Variants in P2RX1 observed in about 807,000 individuals in gnomAD.
P2RX1 encodes the protein P2X purinoceptor 1.
Under a neutral mutation model 50.3 loss-of-function variants are expected in P2RX1, and 42 were observed. The ratio of observed to expected loss-of-function variants is 0.83; its 90% CI spans 0.65 to 1.08. The LOEUF is 1.08. P2RX1 is among the 50% of genes least tolerant of loss of function. The pLI is 0.00. For missense variants in P2RX1, 449 were observed against 529.0 expected, an observed-to-expected ratio of 0.85 and a Z score of 1.48; for synonymous variants, 199 against 202.6, an observed-to-expected ratio of 0.98 and a Z score of 0.15.
In P2RX1 at chr17:3,914,262, C is replaced by T. The variant is rs1176604125; in HGVS notation, c.137+1827G>A. Among the ~76,000 whole-genome samples the T allele has an allele frequency of 1.3e-5, 2 of 152,136 alleles. No homozygotes were observed. Among genetic ancestry groups the T allele is most frequent in the African/African-American group, 4.8e-5 (2 of 41,408 alleles). On this transcript the variant is annotated intron_variant, in intron 1 of 11. Transcript: ENST00000225538. This position sits in a 1 kb window ranked among gnomAD's most constrained non-coding sequence, Gnocchi z 4.1. ...TAAGCTGTGAGATCCTGGCTAATCC[C>T]TGTGGTCCTGAGCCCCACAGACACC...
Position 3,905,368 on chromosome 17 carries a change from C to G in P2RX1, c.138-1G>C, listed in dbSNP as rs2056244229. ...GCCCTTCTCATAGAGAAACACCCAC[C>G]TGTGCGGGTGGGGACAGAGGGGGAG... On this transcript the variant is annotated splice_acceptor_variant, in intron 1 of 11. Transcript: ENST00000225538. LOFTEE classifies it high-confidence loss of function. 6.2e-7 allele frequency: 1 copy of G among 1,613,526 alleles called. No homozygotes were observed. The highest frequency in any genetic ancestry group is 8.5e-7 in the Non-Finnish European group (1 of 1,180,008).
At chr17:3,916,037 G>A in intron 1 of P2RX1, 52 bp downstream of exon 1, 2 of 1,608,008 alleles carry the variant, frequency 1.2e-6, no homozygotes, top group Non-Finnish European at 1.7e-6. Flanking sequence ...GAGTCTGGAG[G>A]ACAGGCCCGG....
In P2RX1 at chr17:3,903,072, T is replaced by A. The variant is rs1200305945; in HGVS notation, c.747+130A>T. On this transcript the variant is annotated intron_variant, in intron 7 of 11. Coordinates refer to ENST00000225538, the MANE Select transcript of P2RX1 (RefSeq NM_002558.4). This position sits in a 1 kb window ranked among gnomAD's most constrained non-coding sequence, Gnocchi z 4.6. ...ATCTGACGCTCAGGGGGCCCCAGTA[T>A]CAGGGGACAGACCCATACATATACT... 7.7e-7 allele frequency: 1 copy of A among 1,298,202 alleles called. No homozygotes were observed. The highest frequency in any genetic ancestry group is 1.5e-5 in the African/African-American group (1 of 68,680). 80.4% of individuals were successfully genotyped at this position (1,298,202 alleles called of 1,614,324 possible).
At chr17:3,904,460 T>C in intron 3 of P2RX1, 61 bp from the exon 4 acceptor site, 1 of 1,436,052 alleles carries the variant, frequency 7.0e-7, no homozygotes, top group Non-Finnish European at 9.7e-7. Flanking sequence ...GAAGAGCCCC[T>C]CTCCCCACCC....
chr17:3,899,115 T>C, intron 8 of P2RX1, 91 bp from the exon 9 acceptor site: 1 of 906,468 alleles, frequency 1.1e-6, no homozygotes, highest in Non-Finnish European at 1.8e-6. Context: ...GGAGATTTAG[T>C]GGTCTCTGAG....
intron 7 of P2RX1, among the ~76,000 whole-genome samples, chr17:3,902,613 T>A (rs570820972): frequency 6.6e-6 from 1 of 151,290 alleles, no homozygotes; most frequent in Non-Finnish European, 1.5e-5. Flanking sequence ...GTTTTTGTTT[T>A]TTTTTTGTTT....
intron 8 of P2RX1, among the ~76,000 whole-genome samples, 195 bp from the exon 9 acceptor site, chr17:3,899,219 T>C (rs1366705264): frequency 5.5e-3 from 1 of 182 alleles, no homozygotes; most frequent in Non-Finnish European, 0.013. Flanking sequence ...CTTTTTTTTT[T>C]TTGTGAGACG....
chr17:3,903,500 C>A lies in P2RX1; in HGVS notation c.605+51G>T, dbSNP rs2074990. 3.8e-6 allele frequency: 6 copies of A among 1,599,444 alleles called. No homozygotes were observed. Among genetic ancestry groups the A allele is most frequent in the Admixed American group, 1.7e-5 (1 of 59,860 alleles). On this transcript the variant is annotated intron_variant, in intron 6 of 11. Coordinates refer to ENST00000225538, the MANE Select transcript of P2RX1 (RefSeq NM_002558.4). This position sits in a 1 kb window ranked among gnomAD's most constrained non-coding sequence, Gnocchi z 4.6. ...GGAGACAGAGACAGCTGAGAGCTGC[C>A]GGAGCGGCCCCGGCCAGCTGCCTGC... is the stretch of plus-strand genomic sequence containing the variant.
Position 3,903,751 on chromosome 17 carries a change from G to A in P2RX1, c.525-120C>T, listed in dbSNP as rs570656853. 82 of 1,153,738 alleles carry A rather than the reference G, an allele frequency of 7.1e-5. No homozygotes were observed. In the African/African-American group the frequency reaches 1.0e-3, roughly 15 times the overall value. 71.5% of individuals were successfully genotyped at this position (1,153,738 alleles called of 1,614,324 possible). A position where few individuals can be genotyped will look rare whatever the true frequency, so the allele number is the denominator to read the frequency against. ...CGGGACCCGCCTGCAGCCCTGGGCT[G>A]GTGGAGGGGTGGGTGTGCTCTAGCG... On this transcript the variant is annotated intron_variant, in intron 5 of 11. Transcript: ENST00000225538. This position sits in a 1 kb window ranked among gnomAD's most constrained non-coding sequence, Gnocchi z 4.6.
Position 3,903,640 on chromosome 17 carries a change from C to T in P2RX1, c.525-9G>A. 1 of 1,613,578 alleles carries T rather than the reference C, an allele frequency of 6.2e-7. No individual in the cohort carries two copies. The highest frequency in any genetic ancestry group is 1.7e-5 in the Admixed American group (1 of 60,026). On this transcript the variant is annotated splice_polypyrimidine_tract_variant and intron_variant, in intron 5 of 11. Transcript: ENST00000225538. This position sits in a 1 kb window ranked among gnomAD's most constrained non-coding sequence, Gnocchi z 4.6. ...CTCGGAGAAGGGCAGGGCTGGAGGA[C>T]ACCACACGCACTCACCGCCCCTCCC...
chr17:3,901,356 C>A (rs113449815), intron 7 of P2RX1, among the ~76,000 whole-genome samples: 10 of 152,190 alleles, frequency 6.6e-5, no homozygotes, highest in African/African-American at 1.7e-4. Context: ...CGTGAGCCAC[C>A]GCACCCAGCC....
intron 7 of P2RX1, among the ~76,000 whole-genome samples, chr17:3,900,050 G>A (rs1001206542): frequency 2.0e-5 from 3 of 151,600 alleles, no homozygotes; most frequent in African/African-American, 4.9e-5. Context: ...GCAGTGAGCC[G>A]AGATCCCACC....
At position 3,903,348 on chromosome 17, in the gene P2RX1, G is replaced by C. The variant is rs750752218; in HGVS notation, c.606-5C>G. 1.1e-5 allele frequency: 18 copies of C among 1,613,884 alleles called. No individual in the cohort carries two copies. Among genetic ancestry groups the C allele is most frequent in the South Asian group, 3.3e-5 (3 of 91,086 alleles). ...ACCTCCTCCACCAGGTTGCGCCTGT[G>C]GGGGTGGAAGGTGTTGACAGCTGCT... On this transcript the variant is annotated splice_region_variant and splice_polypyrimidine_tract_variant and intron_variant, in intron 6 of 11. Coordinates refer to ENST00000225538, the MANE Select transcript of P2RX1 (RefSeq NM_002558.4). This position sits in a 1 kb window ranked among gnomAD's most constrained non-coding sequence, Gnocchi z 4.6.
intron 7 of P2RX1, among the ~76,000 whole-genome samples, chr17:3,901,107 A>G (rs899394438): frequency 1.3e-5 from 2 of 151,970 alleles, no homozygotes; most frequent in Non-Finnish European, 2.9e-5. Flanking sequence ...TTGCTCTGTC[A>G]CCCAGACTGG....
intron 1 of P2RX1, among the ~76,000 whole-genome samples, chr17:3,907,211 G>C (rs2056280762): frequency 6.6e-6 from 1 of 152,022 alleles, no homozygotes; most frequent in South Asian, 2.1e-4. Flanking sequence ...GCTTGCAAAT[G>C]AAATAGTCCT....
intron 9 of P2RX1, 45 bp downstream of exon 9, chr17:3,898,889 T>G: frequency 3.4e-6 from 5 of 1,463,222 alleles, no homozygotes; most frequent in South Asian, 1.1e-5. Context: ...TCACAGGAGC[T>G]GAGAATGTGT....
Position 3,901,914 on chromosome 17 carries a change from G to T in P2RX1, c.747+1288C>A, listed in dbSNP as rs77675717. ...GAGACTGGCACCATTATTGCCCCCC[G>T]TCGGTGGGTCCAAAAACTCACACCC... On this transcript the variant is annotated intron_variant, in intron 7 of 11. Transcript: ENST00000225538. Among the ~76,000 whole-genome samples the T allele has an allele frequency of 7.0e-3, 1,057 of 151,842 alleles. 9 individuals carry two copies. Among genetic ancestry groups the T allele is most frequent in the Non-Finnish European group, 0.011 (720 of 67,948 alleles).
At chr17:3,908,980 C>T (rs903179396) in intron 1 of P2RX1, among the ~76,000 whole-genome samples, 12 of 152,200 alleles carry the variant, frequency 7.9e-5, no homozygotes, top group African/African-American at 2.9e-4. Flanking sequence ...CAAACTCAGC[C>T]TGGGCCCCAG....
intron 4 of P2RX1, 31 bp from the exon 5 acceptor site, chr17:3,904,055 G>A (rs374355060): frequency 2.6e-6 from 4 of 1,562,904 alleles, no homozygotes; most frequent in Non-Finnish European, 3.5e-6. Context: ...CTGGGTGCCT[G>A]CACTAAACAG....
Sources: gnomAD v4.1 joint callset for allele counts (sites outside exome capture counted in the v4.1 genomes callset) on GRCh38, gnomAD v4.1.1 for gene constraint, Gnocchi (gnomAD v3.1) non-coding constraint, MANE v1.5 for transcripts, NCBI Gene and HGNC (gene_info 2026-07-23, HGNC 2026-07-21) for gene names.